CACNA2D4: variants seen among roughly 807,000 people sequenced by gnomAD.
CACNA2D4 encodes calcium voltage-gated channel auxiliary subunit alpha2delta 4.
CACNA2D4 carries 157 observed loss-of-function variants against 163.8 expected under a neutral mutation model. The ratio of observed to expected loss-of-function variants is 0.96; its 90% CI spans 0.84 to 1.09. CACNA2D4 has a LOEUF of 1.09. Ranked by LOEUF, CACNA2D4 falls within the 50% of genes least tolerant of loss-of-function variation. CACNA2D4 has a pLI of 0.00. For synonymous variants in CACNA2D4, 598 were observed against 586.9 expected (o/e 1.02, Z -0.27); for missense variants, 1,410 against 1,479.9 (o/e 0.95, Z 0.78).
intron 26 of CACNA2D4, among the ~76,000 whole-genome samples, chr12:1,822,925 C>T (rs1478241679): frequency 6.6e-6 from 1 of 152,224 alleles, no homozygotes; most frequent in Non-Finnish European, 1.5e-5. Context: ...CCCTCTCAGC[C>T]TTCCTGGGGT....
intron 23 of CACNA2D4, among the ~76,000 whole-genome samples, chr12:1,848,753 ACCC>A (rs903050985): frequency 7.6e-6 from 1 of 131,700 alleles, no homozygotes; most frequent in Non-Finnish European, 1.6e-5. Context: ...ATATGTTTTA[ACCC>A]ATTGCAATTA....
At chr12:1,801,801 T>C (rs1863343106) in intron 29 of CACNA2D4, among the ~76,000 whole-genome samples, 157 bp from the exon 30 acceptor site, 1 of 152,094 alleles carries the variant, frequency 6.6e-6, no homozygotes, top group African/African-American at 2.4e-5. Context: ...GCTGAACCCT[T>C]CCACCCACGC....
rs755913555 is a variant in CACNA2D4 at position 1,887,107 on chromosome 12, G to C, written c.782-38C>G. 5.5e-6 allele frequency: 8 copies of C among 1,446,980 alleles called. No individual in the cohort carries two copies. The South Asian group carries it at 7.3e-5, about 13-fold the overall frequency. The allele number at this position is 1,446,980 out of a possible 1,614,324, so 89.6% of individuals were successfully genotyped here. A position where few individuals can be genotyped will look rare whatever the true frequency, so the allele number is the denominator to read the frequency against. On this transcript the variant is annotated intron_variant, in intron 6 of 37. Coordinates refer to ENST00000382722, the MANE Select transcript of CACNA2D4 (RefSeq NM_172364.5). ...AGACTCGTTCTTTTACTAGCTTGGTGAGGCCACCCCAGATCCCCTGGCTGG... is the reference window on the plus strand; with the variant it reads ...AGACTCGTTCTTTTACTAGCTTGGTCAGGCCACCCCAGATCCCCTGGCTGG...
At chr12:1,797,696 A>G (rs1863176195) in intron 34 of CACNA2D4, 161 bp from the exon 35 acceptor site, 3 of 457,986 alleles carry the variant, frequency 6.6e-6, no homozygotes, top group Non-Finnish European at 1.3e-5. Context: ...GCGGGGGGTG[A>G]GGGGAGGGAA....
chr12:1,834,958 T>C lies in CACNA2D4; in HGVS notation c.2551+5781A>G. On this transcript the variant is annotated intron_variant, in intron 26 of 37. Transcript: ENST00000382722. The surrounding 1 kb of genome is among the most constrained non-coding windows in gnomAD (Gnocchi z 7.6). ...TCTGGGCCAGTAAATCTTTGGAACATGTGGGGGATCTCCCTAAGCTCTGGC... is the reference window on the plus strand; with the variant it reads ...TCTGGGCCAGTAAATCTTTGGAACACGTGGGGGATCTCCCTAAGCTCTGGC... 1 of 703,844 alleles carries C rather than the reference T, an allele frequency of 1.4e-6. No individual in the cohort carries two copies. Among genetic ancestry groups the C allele is most frequent in the Non-Finnish European group, 2.2e-6 (1 of 447,780 alleles). 43.6% of individuals were successfully genotyped at this position (703,844 alleles called of 1,614,324 possible).
chr12:1,812,181 T>C (rs1863735152), intron 26 of CACNA2D4, among the ~76,000 whole-genome samples: 1 of 152,198 alleles, frequency 6.6e-6, no homozygotes, highest in Non-Finnish European at 1.5e-5. Flanking sequence ...GCTCCTTGGA[T>C]CTTAACCTGG....
At chr12:1,817,816 C>A (rs1181784136) in intron 26 of CACNA2D4, among the ~76,000 whole-genome samples, 6 of 151,980 alleles carry the variant, frequency 3.9e-5, no homozygotes, top group Admixed American at 3.9e-4. Context: ...AGTGCAGTGG[C>A]GTGATCTCGG....
chr12:1,904,039 G>T (rs1287629691), intron 6 of CACNA2D4, among the ~76,000 whole-genome samples: 1 of 152,040 alleles, frequency 6.6e-6, no homozygotes, highest in Non-Finnish European at 1.5e-5. Flanking sequence ...GTACTATTCA[G>T]CCATAAAGAG....
chr12:1,799,992 G>A lies in CACNA2D4; in HGVS notation c.2974+8C>T, dbSNP rs964930383. On this transcript the variant is annotated splice_region_variant and intron_variant, in intron 33 of 37. Coordinates refer to ENST00000382722, the MANE Select transcript of CACNA2D4 (RefSeq NM_172364.5). This position sits in a 1 kb window ranked among gnomAD's most constrained non-coding sequence, Gnocchi z 4.7. ...TCAGCACATGGCCCTGCAGCTCCGT[G>A]CACTCACCCTCGGCCCCTCTGTCGT... 6.2e-7 allele frequency: 1 copy of A among 1,601,592 alleles called. No homozygotes were observed. Among genetic ancestry groups the A allele is most frequent in the Non-Finnish European group, 8.5e-7 (1 of 1,174,266 alleles).
At chr12:1,912,123 C>T (rs1380604022) in intron 3 of CACNA2D4, among the ~76,000 whole-genome samples, 1 of 152,178 alleles carries the variant, frequency 6.6e-6, no homozygotes, top group South Asian at 2.1e-4. Context: ...CTGGAGAGGC[C>T]GCAGCTCGCC....
chr12:1,799,990 G>A lies in CACNA2D4; in HGVS notation c.2974+10C>T, dbSNP rs780916685. On this transcript the variant is annotated intron_variant, in intron 33 of 37. Coordinates refer to ENST00000382722, the MANE Select transcript of CACNA2D4 (RefSeq NM_172364.5). The surrounding 1 kb of genome is among the most constrained non-coding windows in gnomAD (Gnocchi z 4.7). ...CTTCAGCACATGGCCCTGCAGCTCCGTGCACTCACCCTCGGCCCCTCTGTC... is the reference window on the plus strand; with the variant it reads ...CTTCAGCACATGGCCCTGCAGCTCCATGCACTCACCCTCGGCCCCTCTGTC... 7 of 1,600,868 alleles carry A rather than the reference G, an allele frequency of 4.4e-6. No homozygotes were observed. Among genetic ancestry groups the A allele is most frequent in the East Asian group, 2.3e-5 (1 of 44,112 alleles).
intron 6 of CACNA2D4, among the ~76,000 whole-genome samples, chr12:1,901,375 T>TA (rs1180961882): frequency 1.3e-5 from 2 of 151,378 alleles, no homozygotes; most frequent in African/African-American, 2.4e-5. Context: ...ATTGAAATGA[T>TA]AAAAAAACCC....
intron 26 of CACNA2D4, among the ~76,000 whole-genome samples, chr12:1,812,492 G>A (rs780467182): frequency 1.3e-5 from 2 of 152,238 alleles, no homozygotes; most frequent in Non-Finnish European, 2.9e-5. Flanking sequence ...AGAAGAGGCA[G>A]GTTATATTGA....
rs188028256 is a variant in CACNA2D4 at position 1,846,864 on chromosome 12, C to T, written c.2247-175G>A. Among the ~76,000 whole-genome samples, 63 of 152,348 alleles carry T rather than the reference C, an allele frequency of 4.1e-4. 1 individual carries two copies. Among genetic ancestry groups the T allele is most frequent in the Admixed American group, 1.2e-3 (19 of 15,312 alleles). On this transcript the variant is annotated intron_variant, in intron 23 of 37. Coordinates refer to ENST00000382722, the MANE Select transcript of CACNA2D4 (RefSeq NM_172364.5). ...GGGACACGCACCCTGCTGGCATCCA[C>T]GGTGCCCATCAGGTTTCAGGCCCGG...
intron 18 of CACNA2D4, among the ~76,000 whole-genome samples, chr12:1,862,219 C>T (rs866605065): frequency 6.6e-5 from 10 of 152,152 alleles, no homozygotes; most frequent in African/African-American, 2.4e-4. Flanking sequence ...GTTTGCATTT[C>T]TCTTGGTAAA....
At chr12:1,905,911 C>T (rs1256841172) in intron 6 of CACNA2D4, among the ~76,000 whole-genome samples, 1 of 152,080 alleles carries the variant, frequency 6.6e-6, no homozygotes, top group East Asian at 1.9e-4. Context: ...GATGGAGGCA[C>T]ACTTCCTGAT....
intron 26 of CACNA2D4, among the ~76,000 whole-genome samples, chr12:1,830,748 T>C (rs188907810): frequency 3.9e-5 from 6 of 152,228 alleles, no homozygotes; most frequent in African/African-American, 7.2e-5. Flanking sequence ...TGTCCATTAA[T>C]ATGGAAGTGG....
chr12:1,871,465 C>T (rs990214456), intron 18 of CACNA2D4, among the ~76,000 whole-genome samples: 7 of 142,754 alleles, frequency 4.9e-5, no homozygotes, highest in South Asian at 2.2e-4. Context: ...TGTGTGTACA[C>T]GTGTGTGCTG....
chr12:1,834,943 T>A lies in CACNA2D4; in HGVS notation c.2551+5796A>T. ...CTGCTGATGCTCCTGTCTGGGCCAG[T>A]AAATCTTTGGAACATGTGGGGGATC... On this transcript the variant is annotated intron_variant, in intron 26 of 37. Coordinates refer to ENST00000382722, the MANE Select transcript of CACNA2D4 (RefSeq NM_172364.5). This position sits in a 1 kb window ranked among gnomAD's most constrained non-coding sequence, Gnocchi z 7.6. 1 of 799,288 alleles carries A rather than the reference T, an allele frequency of 1.3e-6. No individual in the cohort carries two copies. The highest frequency in any genetic ancestry group is 1.9e-6 in the Non-Finnish European group (1 of 531,512). 49.5% of individuals were successfully genotyped at this position (799,288 alleles called of 1,614,324 possible).
Sources: gnomAD v4.1 joint callset for allele counts (sites outside exome capture counted in the v4.1 genomes callset) on GRCh38, gnomAD v4.1.1 for gene constraint, Gnocchi (gnomAD v3.1) non-coding constraint, MANE v1.5 for transcripts, NCBI Gene and HGNC (gene_info 2026-07-23, HGNC 2026-07-21) for gene names.